ZNF30: variants seen among roughly 807,000 people sequenced by gnomAD.
ZNF30 encodes the protein zinc finger protein 30.
Under a neutral mutation model 13.2 loss-of-function variants are expected in ZNF30, and 15 were observed. The observed-to-expected ratio is 1.13, with a 90% CI of 0.76 to 1.75. The LOEUF (loss-of-function observed/expected upper bound fraction) is 1.75. Ranked by LOEUF, ZNF30 falls within the 40% of genes most tolerant of loss-of-function variation. The pLI, the probability that ZNF30 is intolerant of heterozygous loss-of-function variation, is 0.00. For missense variants in ZNF30, 726 were observed against 757.0 expected (o/e 0.96, Z 0.48); for synonymous variants, 223 against 256.6 (o/e 0.87, Z 1.25).
In ZNF30 at chr19:34,943,244, C is replaced by A. The variant is rs752552422; in HGVS notation, c.278C>A (p.Thr93Lys). 3 of 1,578,548 alleles carry A rather than the reference C, an allele frequency of 1.9e-6. No individual in the cohort carries two copies. Among genetic ancestry groups the A allele is most frequent in the East Asian group, 2.3e-5 (1 of 44,192 alleles). The change falls in exon 5 of 5, where the codon ACA (threonine) becomes AAA (lysine). Residue 93 changes from threonine to lysine, a missense_variant. Transcript: ENST00000601142. ...WCTDLQLEDD[T>K]IGCKEMPTSE... is the part of the protein sequence containing the mutation. ...TCAGATTTGCAGTTGGAAGATGATA[C>A]AATCGGCTGTAAAGAAATGCCCACC...
Position 34,944,833 on chromosome 19 carries a change from C to A in ZNF30, c.1867C>A (p.Pro623Thr). Residue 623 changes from proline to threonine, a missense_variant, in exon 5 of 5, where the codon CCC (proline) becomes ACC (threonine). By Grantham distance (38) the Pro-to-Thr change is conservative (BLOSUM62 -1). Coordinates refer to ENST00000601142, the MANE Select transcript of ZNF30 (RefSeq NM_194325.3). ...VHLRKHMSVIP is the reference protein window; with the variant it reads ...VHLRKHMSVIT ...TCTGAGAAAACATATGAGTGTTATA[C>A]CCTAAGAGTCTGAGGAGTGTGGGAA... 2.5e-6 allele frequency: 4 copies of A among 1,582,958 alleles called. No homozygotes were observed. The highest frequency in any genetic ancestry group is 3.4e-6 in the Non-Finnish European group (4 of 1,160,580).
chr19:34,933,251 C>A (rs1008523648), intron 3 of ZNF30, among the ~76,000 whole-genome samples: 2 of 151,942 alleles, frequency 1.3e-5, no homozygotes, highest in Non-Finnish European at 2.9e-5. Context: ...GTCAAGATAT[C>A]GAGACCATCC....
At chr19:34,927,610 A>T (rs925879743) in intron 1 of ZNF30, among the ~76,000 whole-genome samples, 2 of 152,236 alleles carry the variant, frequency 1.3e-5, no homozygotes, top group African/African-American at 4.8e-5. Context: ...TGTTGTGCAG[A>T]TTACTTAACT....
chr19:34,937,586 T>C (rs189945693), intron 4 of ZNF30, among the ~76,000 whole-genome samples: 3 of 151,984 alleles, frequency 2.0e-5, no homozygotes, highest in East Asian at 1.9e-4. Flanking sequence ...GTTTAAAAAT[T>C]AGCCAGGCAT....
In ZNF30 at chr19:34,944,056, C is replaced by A; in HGVS notation, c.1090C>A (p.Arg364=). Residue 364 remains arginine (R), a synonymous_variant, in exon 5 of 5, where the codon CGA becomes AGA. Coordinates refer to ENST00000601142, the MANE Select transcript of ZNF30 (RefSeq NM_194325.3). The stretch of plus-strand genomic sequence containing the variant: ...TAGTTCCTTCCTTCATGCACATCAG[C>A]GAATTCATGCAGAGATAAAGCCCTA... ...RLSSFLHAHQ[R]IHAEIKPYGC... 2 of 1,613,754 alleles carry A rather than the reference C, an allele frequency of 1.2e-6. No homozygotes were observed. The highest frequency in any genetic ancestry group is 1.7e-6 in the Non-Finnish European group (2 of 1,179,918).
intron 4 of ZNF30, chr19:34,942,760 T>C (rs1349970728): frequency 5.7e-6 from 3 of 527,534 alleles, no homozygotes; most frequent in Non-Finnish European, 9.8e-6. Context: ...TGATATGAGG[T>C]CTGAGAGGTG....
At chr19:34,938,454 C>CT (rs2012855929) in intron 4 of ZNF30, among the ~76,000 whole-genome samples, 1 of 151,852 alleles carries the variant, frequency 6.6e-6, no homozygotes, top group Non-Finnish European at 1.5e-5. Context: ...GATTTGGGAA[C>CT]TTTTTTTGCA....
intron 4 of ZNF30, among the ~76,000 whole-genome samples, chr19:34,939,994 T>C (rs2012951822): frequency 1.3e-5 from 2 of 152,262 alleles, no homozygotes; most frequent in African/African-American, 4.8e-5. Flanking sequence ...TGAAATTTAG[T>C]ATATTTTGAA....
In ZNF30 at chr19:34,928,220, A is replaced by AAATATAT. The variant is rs1555778254; in HGVS notation, c.-65+1005_-65+1006insATATATA. ...GAGATCCCTTCTCTAAAAAAAAAAA[A>AAATATAT]ATATATATATATATATATATATATA... On this transcript the variant is annotated intron_variant, in intron 1 of 4. Transcript: ENST00000601142. Among the ~76,000 whole-genome samples the AAATATAT allele has an allele frequency of 3.0e-3, 223 of 73,208 alleles. 2 individuals carry two copies. The highest frequency in any genetic ancestry group is 4.4e-3 in the Non-Finnish European group (171 of 39,044). 48.0% of individuals were successfully genotyped at this position (73,208 alleles called of 152,430 possible). A position where few individuals can be genotyped will look rare whatever the true frequency, so the allele number is the denominator to read the frequency against.
upstream of ZNF30, chr19:34,923,941 G>A (rs1186204819): frequency 6.6e-6 from 1 of 152,148 alleles, no homozygotes; most frequent in Non-Finnish European, 1.5e-5. Context: ...ACATTATAAG[G>A]GGGAAAGTTC....
At chr19:34,935,711 T>G (rs888079756) in intron 4 of ZNF30, among the ~76,000 whole-genome samples, 1 of 150,410 alleles carries the variant, frequency 6.6e-6, no homozygotes, top group Admixed American at 6.6e-5. Flanking sequence ...TTTTTTTTTT[T>G]TTTTTTTTTT....
chr19:34,938,694 G>A lies in ZNF30; in HGVS notation c.257-4529G>A, dbSNP rs113455100. 1.4e-3 allele frequency among the ~76,000 whole-genome samples: 92 copies of A among 67,140 alleles called. 1 individual carries two copies. The highest frequency in any genetic ancestry group is 5.5e-3 in the African/African-American group (90 of 16,304). 44.0% of individuals were successfully genotyped at this position (67,140 alleles called of 152,430 possible). On this transcript the variant is annotated intron_variant, in intron 4 of 4. Coordinates refer to ENST00000601142, the MANE Select transcript of ZNF30 (RefSeq NM_194325.3). ...ACCCATTTCACCTGCAGTGCCCACC[G>A]GAGGTTCATCTTAGGCTCAACTGCG...
intron 3 of ZNF30, among the ~76,000 whole-genome samples, chr19:34,933,419 T>C (rs2012563707): frequency 6.6e-6 from 1 of 152,164 alleles, no homozygotes; most frequent in African/African-American, 2.4e-5. Flanking sequence ...CACACTGCAC[T>C]GCAGCCTGGC....
At chr19:34,935,931 A>G (rs2012713847) in intron 4 of ZNF30, among the ~76,000 whole-genome samples, 1 of 152,148 alleles carries the variant, frequency 6.6e-6, no homozygotes, top group Non-Finnish European at 1.5e-5. Context: ...GGCGGAAGGT[A>G]AAAGGCACGT....
At position 34,935,225 on chromosome 19, in the gene ZNF30, C is replaced by T. The variant is rs892074836; in HGVS notation, c.256+1502C>T. On this transcript the variant is annotated intron_variant, in intron 4 of 4. Transcript: ENST00000601142. ...CAGCCTGGGCGACAGAGCGAGACTC[C>T]GTCTAAAAAAAAAAAAAATTTTTAA... Among the ~76,000 whole-genome samples, 21 of 136,310 alleles carry T rather than the reference C, an allele frequency of 1.5e-4. No individual in the cohort carries two copies. The East Asian group carries it at 2.0e-3, about 13-fold the overall frequency. 89.4% of individuals were successfully genotyped at this position (136,310 alleles called of 152,430 possible). A position where few individuals can be genotyped will look rare whatever the true frequency, so the allele number is the denominator to read the frequency against.
At chr19:34,931,732 A>T in intron 2 of ZNF30, 111 bp from the exon 3 acceptor site, 1 of 1,110,608 alleles carries the variant, frequency 9.0e-7, no homozygotes, top group Non-Finnish European at 1.3e-6. Flanking sequence ...TCCACTTGCC[A>T]CATCATAAGC....
chr19:34,937,804 T>C (rs2012820677), intron 4 of ZNF30, among the ~76,000 whole-genome samples: 1 of 151,736 alleles, frequency 6.6e-6, no homozygotes, highest in African/African-American at 2.4e-5. Context: ...CCACAATATA[T>C]ATATATTTTT....
intron 4 of ZNF30, 26 bp downstream of exon 4, chr19:34,933,749 A>G (rs2012585897): frequency 6.7e-7 from 1 of 1,498,336 alleles, no homozygotes; most frequent in African/African-American, 1.4e-5. Context: ...GCAGGTAGGG[A>G]GGCCATTGTT....
chr19:34,926,910 A>G lies in ZNF30; in HGVS notation c.-371A>G. The G allele has an allele frequency of 2.5e-6, 1 of 398,194 alleles. No homozygotes were observed. The highest frequency in any genetic ancestry group is 3.6e-5 in the East Asian group (1 of 28,046). The allele number at this position is 398,194 out of a possible 1,614,324, so 24.7% of individuals were successfully genotyped here. On this transcript the variant is annotated 5_prime_UTR_variant, in exon 1 of 5. Transcript: ENST00000601142. ...CGGGCGCCGGTGGGCGGCCTTGTGG[A>G]CTGCGCCGGGCATGCTCGGCGGTGT...
Sources: allele counts gnomAD v4.1 joint callset (sites outside exome capture counted in the v4.1 genomes callset), GRCh38; gene constraint gnomAD v4.1.1; transcripts MANE v1.5; gene names NCBI Gene and HGNC (gene_info 2026-07-23, HGNC 2026-07-21).